The following MBD5 variants were observed in gnomAD, a reference collection of about 807,000 sequenced individuals.
The protein encoded by MBD5 is methyl-CpG binding domain protein 5.
Under a neutral mutation model 117.3 loss-of-function variants are expected in MBD5, and 13 were observed. That is an observed-to-expected ratio of 0.11 (90% CI 0.07 to 0.18). MBD5 has a LOEUF of 0.18. MBD5 is among the 10% of genes least tolerant of loss of function. The pLI is 1.00. For synonymous variants in MBD5, 727 were observed against 766.4 expected, an observed-to-expected ratio of 0.95 and a Z score of 0.85; for missense variants, 1,879 against 2,093.8, an observed-to-expected ratio of 0.90 and a Z score of 2.00.
chr2:148,239,055 T>C (rs80145676), intron 3 of MBD5, among the ~76,000 whole-genome samples: 18,985 of 151,530 alleles, frequency 0.13, 1,446 homozygotes, highest in Non-Finnish European at 0.18. Context: ...AGTGTGTATA[T>C]ATGTGTGTGT....
rs145788177 is a variant in MBD5, at chr2:148,456,296, T to C, written c.-556-1907T>C. Among the ~76,000 whole-genome samples the C allele has an allele frequency of 3.9e-5, 6 of 152,288 alleles. No individual in the cohort carries two copies. The East Asian group carries it at 1.2e-3, about 29-fold the overall frequency. On this transcript the variant is annotated intron_variant, in intron 4 of 13. Transcript: ENST00000642680. ...ACTACTTTCTGGTGCATGTGGTCTT[T>C]TCACTGCAAACTCACATGTTGGAAG...
intron 4 of MBD5, among the ~76,000 whole-genome samples, chr2:148,351,987 G>A (rs997290003): frequency 4.6e-5 from 7 of 152,020 alleles, no homozygotes; most frequent in African/African-American, 1.7e-4. Flanking sequence ...GGTTGTCGTT[G>A]GATACTGGCA....
At chr2:148,250,895 T>A (rs951747901) in intron 3 of MBD5, among the ~76,000 whole-genome samples, 5 of 152,202 alleles carry the variant, frequency 3.3e-5, no homozygotes, top group African/African-American at 1.2e-4. Flanking sequence ...GCTGCCCTAT[T>A]TTGCCACTTC....
chr2:148,381,498 T>G (rs1704141912), intron 4 of MBD5, among the ~76,000 whole-genome samples: 1 of 152,156 alleles, frequency 6.6e-6, no homozygotes, highest in Admixed American at 6.5e-5. Context: ...TACCTGAAAG[T>G]GACGGGGAGA....
chr2:148,071,354 A>G (rs539222656), intron 1 of MBD5: 1 of 148,498 alleles, frequency 6.7e-6, no homozygotes, highest in African/African-American at 2.5e-5. Context: ...GTATATGTAA[A>G]TGTGTGAATA....
rs1438351151 is a variant in MBD5, at chr2:148,514,605, G to C, written c.*1664G>C. 2 of 152,370 alleles carry C rather than the reference G, an allele frequency of 1.3e-5. No individual in the cohort carries two copies. Among genetic ancestry groups the C allele is most frequent in the Non-Finnish European group, 2.9e-5 (2 of 68,162 alleles). 9.4% of individuals were successfully genotyped at this position (152,370 alleles called of 1,614,324 possible). A position where few individuals can be genotyped will look rare whatever the true frequency, so the allele number is the denominator to read the frequency against. ...CTGCTAGGAGATTCTCCAATAGCAG[G>C]CTCAGCACCTCAAACTGCCCACCAC... On this transcript the variant is annotated 3_prime_UTR_variant, in exon 14 of 14. Transcript: ENST00000642680.
In MBD5 at chr2:148,334,731, T is replaced by C. The variant is rs117721333; in HGVS notation, c.-679-7483T>C. On this transcript the variant is annotated intron_variant, in intron 3 of 13. Transcript: ENST00000642680. ...AGTGCATATGTTCAATCTACCATCT[T>C]TATGAATAATAGATACTGTTGATTT... is the stretch of plus-strand genomic sequence containing the variant. Among the ~76,000 whole-genome samples, 696 of 152,270 alleles carry C rather than the reference T, an allele frequency of 4.6e-3. 42 individuals carry two copies. In the East Asian group the frequency reaches 0.12, roughly 27 times the overall value.
intron 1 of MBD5, among the ~76,000 whole-genome samples, chr2:148,156,208 A>G (rs1448625583): frequency 2.0e-5 from 3 of 152,208 alleles, no homozygotes; most frequent in African/African-American, 7.2e-5. Context: ...CAGAATTAAA[A>G]CCGACCAATG....
chr2:148,102,294 C>CA (rs1045634814), intron 1 of MBD5, among the ~76,000 whole-genome samples: 1 of 151,964 alleles, frequency 6.6e-6, no homozygotes, highest in Non-Finnish European at 1.5e-5. Context: ...AAGGCGGTTT[C>CA]AAAAAAATCA....
chr2:148,511,294 T>C (rs1056421054), intron 13 of MBD5, among the ~76,000 whole-genome samples: 16 of 152,228 alleles, frequency 1.1e-4, no homozygotes, highest in African/African-American at 3.6e-4. Flanking sequence ...TATGGCCTTC[T>C]TAACTCAAGT....
intron 3 of MBD5, among the ~76,000 whole-genome samples, chr2:148,323,852 T>A (rs1392235397): frequency 1.3e-5 from 2 of 152,226 alleles, no homozygotes; most frequent in Admixed American, 1.3e-4. Flanking sequence ...TTTAATTAGA[T>A]CCCATTTGTC....
intron 4 of MBD5, among the ~76,000 whole-genome samples, chr2:148,451,312 C>T (rs546486128): frequency 3.3e-5 from 5 of 151,842 alleles, no homozygotes; most frequent in African/African-American, 1.2e-4. Flanking sequence ...AATAACTAAA[C>T]CAAAAATGGG....
chr2:148,417,488 T>A (rs1705459851), intron 4 of MBD5, among the ~76,000 whole-genome samples: 1 of 152,114 alleles, frequency 6.6e-6, no homozygotes. Context: ...GTGGGATTGC[T>A]GCATCAAATG....
At chr2:148,454,216 A>G (rs750226394) in intron 4 of MBD5, among the ~76,000 whole-genome samples, 11 of 152,204 alleles carry the variant, frequency 7.2e-5, no homozygotes, top group Admixed American at 1.3e-4. Flanking sequence ...AAAGACACAC[A>G]TTTACACATA....
At chr2:148,409,418 GGA>G (rs1389446174) in intron 4 of MBD5, among the ~76,000 whole-genome samples, 1 of 149,550 alleles carries the variant, frequency 6.7e-6, no homozygotes, top group Non-Finnish European at 1.5e-5. Flanking sequence ...AGAAAGAAAG[GGA>G]GAGAGAGAGA....
chr2:148,323,708 GT>G (rs1702355559), intron 3 of MBD5, among the ~76,000 whole-genome samples: 1 of 151,950 alleles, frequency 6.6e-6, no homozygotes. Flanking sequence ...TTTTTTTCTT[GT>G]AAATTTGAGT....
At chr2:148,242,757 G>A (rs1700243261) in intron 3 of MBD5, among the ~76,000 whole-genome samples, 1 of 152,122 alleles carries the variant, frequency 6.6e-6, no homozygotes. Context: ...TGAGTGATTT[G>A]TACCCTTGCT....
chr2:148,376,547 G>A (rs982639529), intron 4 of MBD5, among the ~76,000 whole-genome samples: 2 of 150,042 alleles, frequency 1.3e-5, no homozygotes, highest in Non-Finnish European at 1.5e-5. Flanking sequence ...GATTACAGGC[G>A]TGAGCCACCG....
chr2:148,454,092 A>G (rs1335072697), intron 4 of MBD5, among the ~76,000 whole-genome samples: 4 of 152,156 alleles, frequency 2.6e-5, no homozygotes, highest in African/African-American at 9.6e-5. Context: ...AAGAAATTAT[A>G]TATACATTTA....
Sources: gnomAD v4.1 joint callset for allele counts (sites outside exome capture counted in the v4.1 genomes callset) on GRCh38, gnomAD v4.1.1 for gene constraint, MANE v1.5 for transcripts, NCBI Gene and HGNC (gene_info 2026-07-23, HGNC 2026-07-21) for gene names.